Variants in ZNF536 observed in about 807,000 individuals in gnomAD.
ZNF536 encodes the protein zinc finger protein 536.
Under a neutral mutation model 84.5 loss-of-function variants are expected in ZNF536, and 13 were observed. The observed-to-expected ratio is 0.15, with a 90% CI of 0.10 to 0.24. The LOEUF is 0.24. Ranked by LOEUF, ZNF536 falls within the 10% of genes least tolerant of loss-of-function variation. The pLI is 1.00. For missense variants in ZNF536, 1,536 were observed against 1,747.5 expected (o/e 0.88, Z 2.16); for synonymous variants, 811 against 742.5 (o/e 1.09, Z -1.50).
intron 2 of ZNF536, among the ~76,000 whole-genome samples, chr19:30,531,411 C>T (rs2044812269): frequency 6.6e-6 from 1 of 151,400 alleles, no homozygotes; most frequent in South Asian, 2.1e-4. Context: ...AATATGCCCT[C>T]TCTCATTTCT....
At chr19:30,544,559 G>A (rs750149061) in intron 3 of ZNF536, among the ~76,000 whole-genome samples, 16 of 152,234 alleles carry the variant, frequency 1.1e-4, no homozygotes, top group South Asian at 6.2e-4. Flanking sequence ...GTGCGTGTGC[G>A]TGAACTCTGC....
At chr19:30,662,943 TTCTTTTTCTTTTTC>T (rs2050175379) in intron 1 of ZNF536, among the ~76,000 whole-genome samples, 1 of 151,390 alleles carries the variant, frequency 6.6e-6, no homozygotes, top group South Asian at 2.1e-4. Context: ...CTCTCTTTCT[TTCTTTTTCTTTTTC>T]GTTTCTTTTT....
chr19:30,474,771 A>C (rs1799224218), intron 2 of ZNF536, among the ~76,000 whole-genome samples: 1 of 152,200 alleles, frequency 6.6e-6, no homozygotes, highest in South Asian at 2.1e-4. Context: ...CAAAATATTC[A>C]GACAGTGGAC....
intron 1 of ZNF536, among the ~76,000 whole-genome samples, chr19:30,238,293 A>G (rs729893): frequency 0.025 from 3,751 of 152,160 alleles, 157 homozygotes; most frequent in African/African-American, 0.086. Flanking sequence ...TCCAATAACT[A>G]TTGGCTGATT....
At chr19:30,480,359 A>G (rs1335239743) in intron 2 of ZNF536, among the ~76,000 whole-genome samples, 2 of 152,144 alleles carry the variant, frequency 1.3e-5, no homozygotes, top group African/African-American at 4.8e-5. Context: ...GCACCAAACT[A>G]TAGTTCCTTT....
chr19:30,262,642 A>G (rs964919807), intron 1 of ZNF536, among the ~76,000 whole-genome samples: 3 of 152,084 alleles, frequency 2.0e-5, no homozygotes, highest in African/African-American at 4.8e-5. Flanking sequence ...GTGGAATGCT[A>G]TGGCATCCTT....
At chr19:30,310,595 T>C (rs545460814) in intron 2 of ZNF536, among the ~76,000 whole-genome samples, 103 of 152,236 alleles carry the variant, frequency 6.8e-4, no homozygotes, top group African/African-American at 2.4e-3. Context: ...AGGCGAAAAG[T>C]GGGGAGAAAG....
intron 1 of ZNF536, among the ~76,000 whole-genome samples, chr19:30,600,078 T>C (rs2047631917): frequency 6.7e-6 from 1 of 149,498 alleles, no homozygotes. Context: ...GTTTTTTGTT[T>C]TTGTTTTTGT....
intron 3 of ZNF536, among the ~76,000 whole-genome samples, chr19:30,358,520 A>G (rs912184381): frequency 1.9e-4 from 29 of 152,214 alleles, no homozygotes; most frequent in Admixed American, 1.6e-3. Flanking sequence ...GTGGTTAGCA[A>G]TCACTGTTGT....
chr19:30,499,726 A>G (rs1021332324), intron 2 of ZNF536, among the ~76,000 whole-genome samples: 25 of 152,190 alleles, frequency 1.6e-4, no homozygotes, highest in Admixed American at 1.4e-3. Context: ...ACTTCTCCAG[A>G]CATCTGTCCT....
chr19:30,323,718 G>T (rs549224136), intron 2 of ZNF536, among the ~76,000 whole-genome samples: 1 of 152,200 alleles, frequency 6.6e-6, no homozygotes, highest in African/African-American at 2.4e-5. Context: ...GATGGTCTGG[G>T]CCATGATTAG....
chr19:30,489,752 C>T (rs930204911), intron 2 of ZNF536, among the ~76,000 whole-genome samples: 37 of 152,306 alleles, frequency 2.4e-4, no homozygotes, highest in African/African-American at 8.2e-4. Context: ...GTGATACTGA[C>T]AGTCGTCGTC....
chr19:30,527,964 GT>G (rs548315707), intron 2 of ZNF536, among the ~76,000 whole-genome samples: 50 of 152,102 alleles, frequency 3.3e-4, no homozygotes, highest in South Asian at 8.3e-4. Context: ...TCCACAAATA[GT>G]TTTTTTTCTT....
At chr19:30,691,113 C>A (rs2051389706) in intron 1 of ZNF536, among the ~76,000 whole-genome samples, 1 of 152,024 alleles carries the variant, frequency 6.6e-6, no homozygotes, top group Non-Finnish European at 1.5e-5. Flanking sequence ...TTTGCACAGA[C>A]CAGAGGCCTC....
intron 3 of ZNF536, among the ~76,000 whole-genome samples, chr19:30,538,437 T>G (rs1247121346): frequency 6.6e-6 from 1 of 152,162 alleles, no homozygotes; most frequent in African/African-American, 2.4e-5. Flanking sequence ...GGATAAAACC[T>G]CTCTCCTTTT....
chr19:30,520,819 AC>A (rs1370765868), intron 2 of ZNF536, among the ~76,000 whole-genome samples: 1 of 151,928 alleles, frequency 6.6e-6, no homozygotes, highest in Non-Finnish European at 1.5e-5. Context: ...CTGCTGGATG[AC>A]CTTTTGTCCA....
intron 1 of ZNF536, among the ~76,000 whole-genome samples, chr19:30,402,796 A>AAAATATAT (rs1555744992): frequency 1.2e-5 from 1 of 85,610 alleles, no homozygotes; most frequent in Non-Finnish European, 2.4e-5. Flanking sequence ...AAAATTAAAA[A>AAAATATAT]ATATATATAT....
chr19:30,475,478 C>A (rs1451338830), intron 2 of ZNF536, among the ~76,000 whole-genome samples: 1 of 152,196 alleles, frequency 6.6e-6, no homozygotes, highest in East Asian at 1.9e-4. Context: ...GTATAACAGG[C>A]CATAAAATAG....
chr19:30,521,741 G>A (rs2044328482), intron 2 of ZNF536, among the ~76,000 whole-genome samples: 1 of 152,130 alleles, frequency 6.6e-6, no homozygotes, highest in African/African-American at 2.4e-5. Context: ...CAAAATTCAA[G>A]CCCTGTATCT....
Sources: allele counts gnomAD v4.1 joint callset (sites outside exome capture counted in the v4.1 genomes callset), GRCh38; gene constraint gnomAD v4.1.1; transcripts MANE v1.5; gene names NCBI Gene and HGNC (gene_info 2026-07-23, HGNC 2026-07-21).